The following PRKAR2A variants were observed in gnomAD, a reference collection of about 807,000 sequenced individuals.
The protein encoded by PRKAR2A is protein kinase cAMP-dependent type II regulatory subunit alpha, also known as cAMP-dependent protein kinase type II-alpha regulatory subunit.
PRKAR2A carries 29 observed loss-of-function variants against 51.9 expected under a neutral mutation model. The ratio of observed to expected loss-of-function variants is 0.56; its 90% CI spans 0.42 to 0.76. The LOEUF is 0.76. Ranked by LOEUF, PRKAR2A falls within the 30% of genes least tolerant of loss-of-function variation. PRKAR2A has a pLI of 0.00. For missense variants in PRKAR2A, 445 were observed against 512.1 expected, an observed-to-expected ratio of 0.87 and a Z score of 1.26; for synonymous variants, 178 against 186.2, an observed-to-expected ratio of 0.96 and a Z score of 0.36.
intron 1 of PRKAR2A, among the ~76,000 whole-genome samples, chr3:48,822,279 AC>A (rs1318078136): frequency 6.6e-6 from 1 of 151,412 alleles, no homozygotes; most frequent in African/African-American, 2.4e-5. Flanking sequence ...CCAGTTCTTC[AC>A]ACAGCTTGCA....
chr3:48,757,644 C>T lies in PRKAR2A; in HGVS notation c.874-1200G>A, dbSNP rs1453993684. Among the ~76,000 whole-genome samples the T allele has an allele frequency of 2.0e-5, 3 of 152,172 alleles. No homozygotes were observed. In the East Asian group the frequency reaches 5.8e-4, roughly 29 times the overall value. On this transcript the variant is annotated intron_variant, in intron 8 of 10. Transcript: ENST00000265563. ...CGTGTGTTTTGAAGACAGCAAAGGC[C>T]AGGCACGGTGGCTCACACCTGTAAT...
intron 1 of PRKAR2A, among the ~76,000 whole-genome samples, chr3:48,829,854 T>C (rs1453350228): frequency 1.2e-5 from 1 of 82,596 alleles, no homozygotes; most frequent in Non-Finnish European, 2.1e-5. Context: ...TGTGTATATA[T>C]ATATATATAT....
In PRKAR2A at chr3:48,751,506, T is replaced by C. The variant is rs1207683162; in HGVS notation, c.*79A>G. 23 of 1,578,094 alleles carry C rather than the reference T, an allele frequency of 1.5e-5. 1 individual carries two copies. The highest frequency in any genetic ancestry group is 3.4e-5 in the Admixed American group (2 of 58,022). On this transcript the variant is annotated 3_prime_UTR_variant, in exon 11 of 11. Coordinates refer to ENST00000265563, the MANE Select transcript of PRKAR2A (RefSeq NM_004157.4). ...GGCAACGGCAGGAACAGTTCTGTCA[T>C]GTCTGTTTTCTGTATGTGTTCTGTG... is the stretch of plus-strand genomic sequence containing the variant.
Position 48,767,236 on chromosome 3 carries a change from TG to T in PRKAR2A, c.697-1888del, listed in dbSNP as rs1409855462. Reference sequence around the variant, plus strand: ...GCTCACGCCTGTAATCCCAGAACTTTGGGAGGCCGAGGCAGACGGATCGCTT... The same window carrying T: ...GCTCACGCCTGTAATCCCAGAACTTTGGAGGCCGAGGCAGACGGATCGCTT... On this transcript the variant is annotated intron_variant, in intron 6 of 10. Coordinates refer to ENST00000265563, the MANE Select transcript of PRKAR2A (RefSeq NM_004157.4). 3.9e-5 allele frequency among the ~76,000 whole-genome samples: 6 copies of T among 152,260 alleles called. No homozygotes were observed. The East Asian group carries it at 1.2e-3, about 29-fold the overall frequency.
chr3:48,813,283 G>C (rs2107378020), intron 1 of PRKAR2A, among the ~76,000 whole-genome samples: 1 of 151,436 alleles, frequency 6.6e-6, no homozygotes, highest in African/African-American at 2.4e-5. Flanking sequence ...TGCACGTGTA[G>C]TCCTAGATAT....
At chr3:48,767,010 T>G (rs528634850) in intron 6 of PRKAR2A, among the ~76,000 whole-genome samples, 1 of 152,308 alleles carries the variant, frequency 6.6e-6, no homozygotes, top group South Asian at 2.1e-4. Flanking sequence ...AGAAGACAGT[T>G]AACCAAACCA....
chr3:48,828,682 C>T (rs1433740260), intron 1 of PRKAR2A, among the ~76,000 whole-genome samples: 3 of 120,844 alleles, frequency 2.5e-5, no homozygotes, highest in East Asian at 2.5e-4. Context: ...TGATCGCACC[C>T]GGGCAACAGA....
chr3:48,835,355 G>A (rs1250450691), intron 1 of PRKAR2A, among the ~76,000 whole-genome samples: 1 of 151,926 alleles, frequency 6.6e-6, no homozygotes. Flanking sequence ...AAAATGGCAG[G>A]GTGTGGCCGG....
At chr3:48,765,724 C>CAAAAAAAAAAA in intron 6 of PRKAR2A, among the ~76,000 whole-genome samples, 1 of 45,250 alleles carries the variant, frequency 2.2e-5, no homozygotes, top group Non-Finnish European at 3.7e-5. Flanking sequence ...ACCCTCATTT[C>CAAAAAAAAAAA]AAAAAAAAAA....
At chr3:48,761,138 C>T (rs1452711222) in intron 8 of PRKAR2A, among the ~76,000 whole-genome samples, 4 of 151,660 alleles carry the variant, frequency 2.6e-5, no homozygotes, top group African/African-American at 9.7e-5. Flanking sequence ...AAAAATTAGC[C>T]GGACGTGGTG....
intron 4 of PRKAR2A, among the ~76,000 whole-genome samples, chr3:48,783,716 G>A (rs1197237633): frequency 6.6e-6 from 1 of 152,112 alleles, no homozygotes. Context: ...GAGTAGCTGG[G>A]ACTACAGGCC....
chr3:48,822,193 G>A (rs1188936608), intron 1 of PRKAR2A, among the ~76,000 whole-genome samples: 7 of 147,294 alleles, frequency 4.8e-5, no homozygotes, highest in South Asian at 2.3e-4. Flanking sequence ...CCTGGGTGAC[G>A]GGGCAAGATT....
At chr3:48,822,330 C>T (rs2082981150) in intron 1 of PRKAR2A, among the ~76,000 whole-genome samples, 1 of 151,934 alleles carries the variant, frequency 6.6e-6, no homozygotes. Flanking sequence ...CTTTATAAAG[C>T]TGTTTAATGT....
chr3:48,784,535 C>A (rs1308588242), intron 4 of PRKAR2A, among the ~76,000 whole-genome samples: 1 of 152,220 alleles, frequency 6.6e-6, no homozygotes, highest in African/African-American at 2.4e-5. Flanking sequence ...ACAGACCAAA[C>A]ACAGACATCT....
intron 2 of PRKAR2A, 138 bp downstream of exon 2, chr3:48,807,511 A>C: frequency 1.5e-6 from 1 of 675,556 alleles, no homozygotes; most frequent in East Asian, 2.8e-5. Context: ...AAACAGAATA[A>C]AGAAACCATA....
chr3:48,776,770 G>A (rs2082112360), intron 5 of PRKAR2A, among the ~76,000 whole-genome samples: 1 of 152,146 alleles, frequency 6.6e-6, no homozygotes, highest in Non-Finnish European at 1.5e-5. Context: ...GAAACTGGGA[G>A]GCAGAGGTTG....
chr3:48,829,619 TACGTGTGTATACACACACATAA>T (rs1424572404), intron 1 of PRKAR2A, among the ~76,000 whole-genome samples: 1 of 137,814 alleles, frequency 7.3e-6, no homozygotes, highest in Non-Finnish European at 1.6e-5. Context: ...TGTGTGTGTA[TACGTGTGTATACACACACATAA>T]ATGTGTGTGT....
rs1553681026 is a variant in PRKAR2A at position 48,829,847 on chromosome 3, G to GTA, written c.262+17486_262+17487dup. Among the ~76,000 whole-genome samples, 209 of 63,748 alleles carry GTA rather than the reference G, an allele frequency of 3.3e-3. 2 individuals are homozygous for GTA. The highest frequency in any genetic ancestry group is 7.6e-3 in the African/African-American group (117 of 15,458). The allele number at this position is 63,748 out of a possible 152,430, so 41.8% of individuals were successfully genotyped here. Reference sequence around the variant, plus strand: ...TATACATACATATATATGCGTGTGTGTATATATATATATATATATATATAT... The same window carrying GTA: ...TATACATACATATATATGCGTGTGTGTATATATATATATATATATATATATAT... On this transcript the variant is annotated intron_variant, in intron 1 of 10. Transcript: ENST00000265563.
rs573224963 is a variant in PRKAR2A, at chr3:48,782,704, C to G, written c.542+282G>C. ...CCCCTCACCTCAAGCGATCCACCGG[C>G]CTTGGCCTCCCAAAGTGCTGCAATT... is the stretch of plus-strand genomic sequence containing the variant. On this transcript the variant is annotated intron_variant, in intron 5 of 10. Transcript: ENST00000265563. 2.6e-5 allele frequency among the ~76,000 whole-genome samples: 4 copies of G among 152,322 alleles called. No homozygotes were observed. In the East Asian group the frequency reaches 7.7e-4, roughly 29 times the overall value.
Sources: allele counts gnomAD v4.1 joint callset (sites outside exome capture counted in the v4.1 genomes callset), GRCh38; gene constraint gnomAD v4.1.1; transcripts MANE v1.5; gene names NCBI Gene and HGNC (gene_info 2026-07-23, HGNC 2026-07-21).